The following DSCAM variants were observed in gnomAD, a reference collection of about 807,000 sequenced individuals.
DSCAM encodes the protein DS cell adhesion molecule.
A neutral mutation model predicts 217.7 loss-of-function variants in DSCAM; 47 were observed. The ratio of observed to expected loss-of-function variants is 0.22; its 90% CI spans 0.17 to 0.28. DSCAM has a LOEUF of 0.28. DSCAM is among the 10% of genes least tolerant of loss of function. The pLI is 1.00. For synonymous variants in DSCAM, 1,056 were observed against 1,015.3 expected (o/e 1.04, Z -0.76); for missense variants, 2,080 against 2,618.3 (o/e 0.79, Z 4.49).
intron 11 of DSCAM, among the ~76,000 whole-genome samples, chr21:40,269,963 C>A (rs1364281146): frequency 6.6e-6 from 1 of 152,110 alleles, no homozygotes; most frequent in African/African-American, 2.4e-5. Context: ...CAATTTTTAG[C>A]ACAGAGAAAG....
intron 30 of DSCAM, among the ~76,000 whole-genome samples, chr21:40,051,002 A>G (rs2088921960): frequency 6.6e-6 from 1 of 152,200 alleles, no homozygotes; most frequent in South Asian, 2.1e-4. Flanking sequence ...GTATATTACA[A>G]TGTTATTTCG....
chr21:40,197,304 G>C (rs958539744), intron 11 of DSCAM, among the ~76,000 whole-genome samples: 71 of 152,060 alleles, frequency 4.7e-4, no homozygotes, highest in African/African-American at 1.7e-3. Context: ...ATTTTTAGTA[G>C]AGAGAGGGTT....
At chr21:40,737,314 T>A (rs916652596) in intron 1 of DSCAM, among the ~76,000 whole-genome samples, 1 of 152,116 alleles carries the variant, frequency 6.6e-6, no homozygotes, top group Non-Finnish European at 1.5e-5. Flanking sequence ...CATCAACATT[T>A]TACCCAGTTA....
rs1009466710 is a variant in DSCAM, at chr21:40,335,291, G to A, written c.1783+2810C>T. 2.0e-5 allele frequency among the ~76,000 whole-genome samples: 3 copies of A among 152,074 alleles called. No individual in the cohort carries two copies. In the South Asian group the frequency reaches 6.2e-4, roughly 32 times the overall value. ...CTTTTGTTTGCAAGTACTTGCAAAG[G>A]AGCTGACAAGTTTTATACTATATGA... On this transcript the variant is annotated intron_variant, in intron 8 of 32. Transcript: ENST00000400454.
At chr21:40,469,920 G>C (rs1253201689) in intron 3 of DSCAM, among the ~76,000 whole-genome samples, 1 of 152,118 alleles carries the variant, frequency 6.6e-6, no homozygotes, top group African/African-American at 2.4e-5. Context: ...GCTGTAATAG[G>C]TTCAGTGGAA....
chr21:40,104,164 C>A (rs1029275271), intron 20 of DSCAM, among the ~76,000 whole-genome samples: 1 of 152,004 alleles, frequency 6.6e-6, no homozygotes, highest in South Asian at 2.1e-4. Flanking sequence ...ATACCACCTG[C>A]CATGAAAATT....
chr21:40,121,449 G>A (rs2090032261), intron 20 of DSCAM, among the ~76,000 whole-genome samples: 1 of 152,100 alleles, frequency 6.6e-6, no homozygotes, highest in Non-Finnish European at 1.5e-5. Context: ...GGTGGATATG[G>A]AGAGGGAACT....
chr21:40,338,197 C>T lies in DSCAM; in HGVS notation c.1687G>A (p.Asp563Asn). The part of the protein sequence containing the change: ...FENNGTLKLS[D>N]VQKEVDEGEY... The stretch of plus-strand genomic sequence containing the variant: ...CCCTCGTCCACTTCCTTTTGCACAT[C>T]TGAAAGTTTAAGAGTTCCATTGTTC... Residue 563 changes from aspartate to asparagine, a missense_variant, in exon 8 of 33, where the codon GAT becomes AAT. Asp to Asn is a conservative substitution (Grantham distance 23). Coordinates refer to ENST00000400454, the MANE Select transcript of DSCAM (RefSeq NM_001389.5). The T allele has an allele frequency of 6.2e-6, 10 of 1,614,256 alleles. No homozygotes were observed. Among genetic ancestry groups the T allele is most frequent in the Non-Finnish European group, 8.5e-6 (10 of 1,180,050 alleles).
At chr21:40,482,627 A>G (rs1472877179) in intron 3 of DSCAM, among the ~76,000 whole-genome samples, 2 of 152,228 alleles carry the variant, frequency 1.3e-5, no homozygotes, top group Admixed American at 1.3e-4. Flanking sequence ...AGACATTTCA[A>G]AAAGAATTAG....
intron 29 of DSCAM, among the ~76,000 whole-genome samples, chr21:40,053,487 A>C (rs1297697275): frequency 6.6e-6 from 1 of 152,188 alleles, no homozygotes; most frequent in Non-Finnish European, 1.5e-5. Flanking sequence ...TTTAGATCAC[A>C]CCAGATGATC....
At chr21:40,336,638 G>A (rs562562722) in intron 8 of DSCAM, among the ~76,000 whole-genome samples, 2 of 152,334 alleles carry the variant, frequency 1.3e-5, no homozygotes, top group South Asian at 2.1e-4. Flanking sequence ...TACAGAAAAT[G>A]TGTTGATATG....
In DSCAM at chr21:40,762,757, A is replaced by T. The variant is rs574510230; in HGVS notation, c.44-53986T>A. 1.4e-3 allele frequency among the ~76,000 whole-genome samples: 215 copies of T among 152,344 alleles called. 1 individual carries two copies. Among genetic ancestry groups the T allele is most frequent in the African/African-American group, 5.0e-3 (208 of 41,576 alleles). Reference sequence around the variant, plus strand: ...AATCCAGCAGCACATCAAAAAGCTTATCCACCATGATCAAGTCAGCTTCAT... The same window carrying T: ...AATCCAGCAGCACATCAAAAAGCTTTTCCACCATGATCAAGTCAGCTTCAT... On this transcript the variant is annotated intron_variant, in intron 1 of 32. Coordinates refer to ENST00000400454, the MANE Select transcript of DSCAM (RefSeq NM_001389.5).
intron 3 of DSCAM, among the ~76,000 whole-genome samples, chr21:40,578,621 C>T (rs1029520788): frequency 6.6e-6 from 1 of 152,280 alleles, no homozygotes; most frequent in South Asian, 2.1e-4. Context: ...ACTGTGGTAC[C>T]TTTGTTCTTT....
intron 3 of DSCAM, among the ~76,000 whole-genome samples, chr21:40,681,253 G>A (rs910235889): frequency 5.3e-5 from 8 of 152,228 alleles, no homozygotes; most frequent in African/African-American, 1.9e-4. Context: ...CAGCTTGCCT[G>A]CCGCCCCTGT....
intron 3 of DSCAM, among the ~76,000 whole-genome samples, chr21:40,659,084 C>T (rs184776117): frequency 3.3e-4 from 50 of 152,194 alleles, no homozygotes; most frequent in African/African-American, 9.4e-4. Context: ...AACATACAGA[C>T]GGACAACCAT....
intron 10 of DSCAM, among the ~76,000 whole-genome samples, chr21:40,287,785 G>A (rs2073845864): frequency 1.3e-5 from 2 of 152,242 alleles, no homozygotes; most frequent in East Asian, 3.9e-4. Context: ...CTGGGGGACT[G>A]TGCGTGGTGA....
intron 1 of DSCAM, among the ~76,000 whole-genome samples, chr21:40,774,799 T>C (rs1224510650): frequency 6.6e-6 from 1 of 151,834 alleles, no homozygotes; most frequent in African/African-American, 2.4e-5. Context: ...TTAAACATCT[T>C]ACCATGATCA....
At chr21:40,799,235 C>T (rs1307269205) in intron 1 of DSCAM, among the ~76,000 whole-genome samples, 1 of 152,086 alleles carries the variant, frequency 6.6e-6, no homozygotes, top group African/African-American at 2.4e-5. Flanking sequence ...ATTGCTGGGG[C>T]TTTGGGGTAG....
At chr21:40,089,603 C>G (rs1216983737) in intron 21 of DSCAM, among the ~76,000 whole-genome samples, 1 of 152,156 alleles carries the variant, frequency 6.6e-6, no homozygotes, top group Non-Finnish European at 1.5e-5. Flanking sequence ...TGCTACCTGT[C>G]GCTAGACTGC....
Sources: allele counts gnomAD v4.1 joint callset (sites outside exome capture counted in the v4.1 genomes callset), GRCh38; gene constraint gnomAD v4.1.1; transcripts MANE v1.5; gene names NCBI Gene and HGNC (gene_info 2026-07-23, HGNC 2026-07-21).